ZMYM4: variants seen among roughly 807,000 people sequenced by gnomAD.
The protein encoded by ZMYM4 is zinc finger MYM-type containing 4.
Under a neutral mutation model 183.2 loss-of-function variants are expected in ZMYM4, and 31 were observed. That is an observed-to-expected ratio of 0.17 (90% confidence interval 0.13 to 0.23). ZMYM4 has a LOEUF of 0.23. Ranked by LOEUF, ZMYM4 falls within the 10% of genes least tolerant of loss-of-function variation. The probability of loss-of-function intolerance (pLI) is 1.00; values close to 1 mark genes in which losing one functional copy is unlikely to be tolerated. For synonymous variants in ZMYM4, 592 were observed against 631.2 expected, an observed-to-expected ratio of 0.94 and a Z score of 0.93; for missense variants, 1,273 against 1,840.3, an observed-to-expected ratio of 0.69 and a Z score of 5.64.
intron 15 of ZMYM4, among the ~76,000 whole-genome samples, chr1:35,390,749 T>C (rs1366790550): frequency 6.6e-6 from 1 of 152,196 alleles, no homozygotes; most frequent in Non-Finnish European, 1.5e-5. Context: ...CTGTAAGAAC[T>C]TAAATTTATG....
chr1:35,292,530 C>T (rs553174011), intron 1 of ZMYM4: 1 of 152,552 alleles, frequency 6.6e-6, no homozygotes, highest in Non-Finnish European at 1.5e-5. Flanking sequence ...CAGAGTCTCA[C>T]TCTGTTGCCC....
chr1:35,337,082 G>T (rs532657838), intron 2 of ZMYM4, among the ~76,000 whole-genome samples: 2 of 152,238 alleles, frequency 1.3e-5, no homozygotes, highest in Admixed American at 1.3e-4. Context: ...TTCTGGGCCG[G>T]GCACGGTGGC....
In ZMYM4 at chr1:35,355,200, C is replaced by CTTTTTTTTTTT. The variant is rs1013941289; in HGVS notation, c.86-3708_86-3698dup. On this transcript the variant is annotated intron_variant, in intron 2 of 29. Transcript: ENST00000314607. ...AGGTGCCCGTCACCACGCCTGGCTTCTTTTTTTTTTTTTTTTTTTTTTTTT... is the reference window on the plus strand; with the variant it reads ...AGGTGCCCGTCACCACGCCTGGCTTCTTTTTTTTTTTTTTTTTTTTTTTTTTTTTTTTTTTT... Among the ~76,000 whole-genome samples, 60 of 77,196 alleles carry CTTTTTTTTTTT rather than the reference C, an allele frequency of 7.8e-4. 3 individuals carry two copies. Among genetic ancestry groups the CTTTTTTTTTTT allele is most frequent in the East Asian group, 5.5e-3 (17 of 3,110 alleles). 50.6% of individuals were successfully genotyped at this position (77,196 alleles called of 152,430 possible). A position where few individuals can be genotyped will look rare whatever the true frequency, so the allele number is the denominator to read the frequency against.
intron 26 of ZMYM4, among the ~76,000 whole-genome samples, chr1:35,410,916 A>G (rs1005380118): frequency 1.3e-5 from 2 of 152,050 alleles, no homozygotes; most frequent in African/African-American, 4.8e-5. Context: ...ATTCAAGGGC[A>G]TGAAGATTTA....
chr1:35,386,025 G>GTGTA (rs778718211), intron 10 of ZMYM4, 49 bp from the exon 11 acceptor site: 1 of 1,309,072 alleles, frequency 7.6e-7, no homozygotes, highest in Admixed American at 1.9e-5. Context: ...TCATACTTTT[G>GTGTA]TGTACATTTG....
At chr1:35,287,301 A>G (rs149558406) in intron 1 of ZMYM4, among the ~76,000 whole-genome samples, 29 of 151,564 alleles carry the variant, frequency 1.9e-4, no homozygotes, top group African/African-American at 6.8e-4. Flanking sequence ...TCCTGGCCTC[A>G]AGTGATCCTC....
chr1:35,285,982 A>T (rs939877745), intron 1 of ZMYM4, among the ~76,000 whole-genome samples: 1 of 152,210 alleles, frequency 6.6e-6, no homozygotes, highest in Non-Finnish European at 1.5e-5. Context: ...CAGATGAGGA[A>T]CAAGATGAGG....
chr1:35,342,685 T>C (rs1643246376), intron 2 of ZMYM4, among the ~76,000 whole-genome samples: 1 of 152,060 alleles, frequency 6.6e-6, no homozygotes, highest in African/African-American at 2.4e-5. Flanking sequence ...TTGTTGTTGT[T>C]GTTGAGACAG....
chr1:35,328,342 C>T (rs1642591311), intron 2 of ZMYM4, among the ~76,000 whole-genome samples: 1 of 151,976 alleles, frequency 6.6e-6, no homozygotes, highest in Non-Finnish European at 1.5e-5. Context: ...AATGCAGTGG[C>T]ATGATCATAG....
At chr1:35,334,015 A>G (rs1301194115) in intron 2 of ZMYM4, among the ~76,000 whole-genome samples, 1 of 151,614 alleles carries the variant, frequency 6.6e-6, no homozygotes, top group Non-Finnish European at 1.5e-5. Context: ...TTAGATTCCA[A>G]AGAGTAAGGA....
intron 2 of ZMYM4, among the ~76,000 whole-genome samples, chr1:35,347,572 G>A (rs1643445574): frequency 6.6e-6 from 1 of 151,970 alleles, no homozygotes; most frequent in Admixed American, 6.6e-5. Flanking sequence ...TTTAGGGCTT[G>A]AACAGATTCT....
chr1:35,418,866 T>C (rs1558212211), intron 29 of ZMYM4, among the ~76,000 whole-genome samples: 1 of 152,254 alleles, frequency 6.6e-6, no homozygotes, highest in Non-Finnish European at 1.5e-5. Flanking sequence ...TTTTGTTATT[T>C]GTATAGAAAA....
At position 35,387,577 on chromosome 1, in the gene ZMYM4, G is replaced by T. The variant is rs1644604143; in HGVS notation, c.2236G>T (p.Gly746Cys). The T allele has an allele frequency of 1.2e-6, 2 of 1,612,762 alleles. No homozygotes were observed. Among genetic ancestry groups the T allele is most frequent in the Admixed American group, 1.7e-5 (1 of 59,720 alleles). Residue 746 changes from glycine (G) to cysteine (C), a missense_variant, in exon 13 of 30, where the codon GGT (glycine) becomes TGT (cysteine). Physicochemically the swap from Gly to Cys is radical, Grantham distance 159. Coordinates refer to ENST00000314607, the MANE Select transcript of ZMYM4 (RefSeq NM_005095.3). ...KIVKETVRFS[G>C]ADKSFCSEGC... ...TGTAAAGGAGACTGTTCGGTTCTCA[G>T]GTGCTGACAAGTCATTCTGTAGTGA...
At chr1:35,283,267 G>A (rs1341234072) in intron 1 of ZMYM4, among the ~76,000 whole-genome samples, 5 of 146,782 alleles carry the variant, frequency 3.4e-5, no homozygotes, top group East Asian at 2.0e-4. Flanking sequence ...TACCTACCTC[G>A]GCCTTTCAAA....
At chr1:35,338,676 A>G (rs542361632) in intron 2 of ZMYM4, among the ~76,000 whole-genome samples, 3 of 152,380 alleles carry the variant, frequency 2.0e-5, no homozygotes, top group South Asian at 2.1e-4. Context: ...AGGATATAAC[A>G]TGAACTTCAT....
At chr1:35,419,436 CT>C (rs754743009) in intron 29 of ZMYM4, 33 bp from the exon 30 acceptor site, 2 of 1,597,706 alleles carry the variant, frequency 1.3e-6, no homozygotes, top group East Asian at 4.5e-5. Flanking sequence ...TTCTAATTTT[CT>C]TTTTTCTCTT....
intron 11 of ZMYM4, 82 bp downstream of exon 11, chr1:35,386,271 T>C: frequency 5.5e-6 from 5 of 906,064 alleles, no homozygotes; most frequent in Non-Finnish European, 8.5e-6. Context: ...TCTAAAGAAA[T>C]ACCCTAGACT....
chr1:35,399,536 G>C lies in ZMYM4; in HGVS notation c.3488G>C (p.Arg1163Thr), dbSNP rs1644865939. 2.5e-6 allele frequency: 4 copies of C among 1,614,094 alleles called. No individual in the cohort carries two copies. Among genetic ancestry groups the C allele is most frequent in the East Asian group, 4.5e-5 (2 of 44,864 alleles). The change falls in exon 23 of 30, where the codon AGA (arginine) becomes ACA (threonine). Residue 1163 changes from arginine (R) to threonine (T), a missense_variant. Transcript: ENST00000314607. ...GGAATCCAGGCACGTTCCCGAACAA[G>C]ACGACGACACAGAGATGGCTTCCCC... ...GQGIQARSRTRRRHRDGFPQP... is the reference protein window; with the variant it reads ...GQGIQARSRTTRRHRDGFPQP...
intron 1 of ZMYM4, among the ~76,000 whole-genome samples, chr1:35,306,274 A>T (rs1423486395): frequency 6.6e-6 from 1 of 152,156 alleles, no homozygotes; most frequent in African/African-American, 2.4e-5. Flanking sequence ...GAACCTGTAG[A>T]ATAGTATATT....
Sources: gnomAD v4.1 joint callset for allele counts (sites outside exome capture counted in the v4.1 genomes callset) on GRCh38, gnomAD v4.1.1 for gene constraint, MANE v1.5 for transcripts, NCBI Gene and HGNC (gene_info 2026-07-23, HGNC 2026-07-21) for gene names.